Variants in FBN2 observed in about 807,000 individuals in gnomAD.
FBN2 encodes the protein fibrillin 2, also known as fibrillin-2.
A neutral mutation model predicts 355.6 loss-of-function variants in FBN2; 105 were observed. That is an observed-to-expected ratio of 0.30 (90% CI 0.25 to 0.35). FBN2 has a LOEUF of 0.35. FBN2 is among the 10% of genes least tolerant of loss of function. FBN2 has a pLI of 1.00. For missense variants in FBN2, 3,280 were observed against 3,758.7 expected (o/e 0.87, Z 3.33); for synonymous variants, 1,350 against 1,301.2 (o/e 1.04, Z -0.81).
Position 128,321,305 on chromosome 5 carries a change from A to T in FBN2, c.4472-2304T>A, listed in dbSNP as rs1405570873. 2.0e-5 allele frequency among the ~76,000 whole-genome samples: 3 copies of T among 152,162 alleles called. 1 individual carries two copies. Among genetic ancestry groups the T allele is most frequent in the South Asian group, 4.1e-4 (2 of 4,826 alleles). Reference sequence around the variant, plus strand: ...GTTTAGCTCATGAATTGCATTTTTTAAAAATTATACTTAAGTTCTGGGATA... The same window carrying T: ...GTTTAGCTCATGAATTGCATTTTTTTAAAATTATACTTAAGTTCTGGGATA... On this transcript the variant is annotated intron_variant, in intron 34 of 64. Coordinates refer to ENST00000262464, the MANE Select transcript of FBN2 (RefSeq NM_001999.4).
At chr5:128,447,848 G>A (rs1285031681) in intron 6 of FBN2, among the ~76,000 whole-genome samples, 1 of 152,132 alleles carries the variant, frequency 6.6e-6, no homozygotes, top group Non-Finnish European at 1.5e-5. Context: ...TTATTTCTCA[G>A]ACTGGCCAAC....
chr5:128,369,666 T>C (rs1751879598), intron 15 of FBN2, among the ~76,000 whole-genome samples: 1 of 152,228 alleles, frequency 6.6e-6, no homozygotes, highest in African/African-American at 2.4e-5. Context: ...CTCTAATCAC[T>C]GGCTATGCTA....
At chr5:128,407,159 A>G (rs1271975739) in intron 8 of FBN2, among the ~76,000 whole-genome samples, 1 of 152,208 alleles carries the variant, frequency 6.6e-6, no homozygotes, top group Non-Finnish European at 1.5e-5. Flanking sequence ...GGTAAATGGT[A>G]GTTCAGTGTC....
chr5:128,512,671 T>C (rs1756163152), intron 5 of FBN2, among the ~76,000 whole-genome samples: 1 of 152,156 alleles, frequency 6.6e-6, no homozygotes, highest in Admixed American at 6.5e-5. Context: ...TCTTAAAGTA[T>C]CCACTTTATT....
At chr5:128,419,334 C>A (rs1043647575) in intron 7 of FBN2, among the ~76,000 whole-genome samples, 1 of 152,084 alleles carries the variant, frequency 6.6e-6, no homozygotes, top group African/African-American at 2.4e-5. Context: ...TTGGCTAGAA[C>A]CTGTAGTACA....
chr5:128,304,725 G>A (rs1749819220), intron 45 of FBN2, among the ~76,000 whole-genome samples: 1 of 152,106 alleles, frequency 6.6e-6, no homozygotes, highest in Admixed American at 6.5e-5. Flanking sequence ...GTGAATCACT[G>A]AACTGACGAA....
intron 2 of FBN2, among the ~76,000 whole-genome samples, chr5:128,530,907 G>A (rs571072254): frequency 6.6e-6 from 1 of 152,124 alleles, no homozygotes; most frequent in South Asian, 2.1e-4. Context: ...AACAAATGAA[G>A]CTGTTTCAAA....
intron 52 of FBN2, among the ~76,000 whole-genome samples, chr5:128,288,883 G>GT (rs1219092754): frequency 6.6e-6 from 1 of 152,208 alleles, no homozygotes; most frequent in South Asian, 2.1e-4. Context: ...TTTGGCAATT[G>GT]TAAGTCTCTA....
At chr5:128,488,024 G>A (rs1029781356) in intron 5 of FBN2, among the ~76,000 whole-genome samples, 4 of 152,122 alleles carry the variant, frequency 2.6e-5, no homozygotes, top group Non-Finnish European at 5.9e-5. Flanking sequence ...TTATAAAAAT[G>A]ATATTTTATT....
At chr5:128,500,460 T>TTTTTTTTC (rs1561487039) in intron 5 of FBN2, among the ~76,000 whole-genome samples, 1 of 112,100 alleles carries the variant, frequency 8.9e-6, no homozygotes, top group African/African-American at 4.2e-5. Context: ...TTTTTTTTTT[T>TTTTTTTTC]CAGACAGGGT....
chr5:128,265,805 A>G (rs1415728296), intron 62 of FBN2, among the ~76,000 whole-genome samples: 1 of 152,238 alleles, frequency 6.6e-6, no homozygotes, highest in Non-Finnish European at 1.5e-5. Context: ...TTTCAATATT[A>G]ACACTTTCAA....
In FBN2 at chr5:128,451,217, T is replaced by C. The variant is rs563138042; in HGVS notation, c.827-4611A>G. Among the ~76,000 whole-genome samples, 6 of 152,284 alleles carry C rather than the reference T, an allele frequency of 3.9e-5. No homozygotes were observed. The South Asian group carries it at 1.2e-3, about 32-fold the overall frequency. ...TTATTTCTTCCTCCTATTAGCTATA[T>C]CTATTGAACTAATTACAAAAGTCCA... On this transcript the variant is annotated intron_variant, in intron 6 of 64. Coordinates refer to ENST00000262464, the MANE Select transcript of FBN2 (RefSeq NM_001999.4).
At position 128,358,682 on chromosome 5, in the gene FBN2, C is replaced by T. The variant is rs754885372; in HGVS notation, c.2555-1287G>A. On this transcript the variant is annotated intron_variant, in intron 19 of 64. Coordinates refer to ENST00000262464, the MANE Select transcript of FBN2 (RefSeq NM_001999.4). ...CAGATTTCTAATGAAAACATCAATC[C>T]GAGTAGAGAAACTTTTTCATAAAAA... Among the ~76,000 whole-genome samples, 9 of 151,688 alleles carry T rather than the reference C, an allele frequency of 5.9e-5. No individual in the cohort carries two copies. The South Asian group carries it at 6.2e-4, about 11-fold the overall frequency.
intron 10 of FBN2, 101 bp from the exon 11 acceptor site, chr5:128,392,256 ATATCAGAAGCTCATATTTTATATTT>A (rs1394448291): frequency 1.0e-6 from 1 of 953,808 alleles, no homozygotes; most frequent in East Asian, 2.6e-5. Flanking sequence ...AATTAGATGT[ATATCAGAAGCTCATATTTTATATTT>A]TATTAAAACT....
chr5:128,446,446 C>T, intron 7 of FBN2, 35 bp downstream of exon 7: 5 of 1,610,472 alleles, frequency 3.1e-6, no homozygotes, highest in Non-Finnish European at 4.2e-6. Context: ...ATTAAAGTCA[C>T]AATTAGGCAT....
At chr5:128,364,119 A>G (rs1461312913) in intron 18 of FBN2, among the ~76,000 whole-genome samples, 1 of 152,202 alleles carries the variant, frequency 6.6e-6, no homozygotes, top group Admixed American at 6.5e-5. Flanking sequence ...AACATAAATT[A>G]CATACTTCAG....
chr5:128,418,756 T>C (rs1753268379), intron 7 of FBN2, among the ~76,000 whole-genome samples: 2 of 152,306 alleles, frequency 1.3e-5, no homozygotes, highest in South Asian at 4.1e-4. Context: ...TTTAAAAAAT[T>C]TGTTGAGACT....
intron 6 of FBN2, among the ~76,000 whole-genome samples, chr5:128,448,879 T>A (rs1004948232): frequency 6.6e-6 from 1 of 152,138 alleles, no homozygotes; most frequent in Non-Finnish European, 1.5e-5. Context: ...TTTTAGACAT[T>A]GAAATTATCA....
At chr5:128,358,444 TTACTA>T (rs1751558691) in intron 19 of FBN2, among the ~76,000 whole-genome samples, 1 of 152,120 alleles carries the variant, frequency 6.6e-6, no homozygotes, top group African/African-American at 2.4e-5. Flanking sequence ...ATAAAGCACT[TTACTA>T]TACTGAGGAA....
Sources: allele counts gnomAD v4.1 joint callset (sites outside exome capture counted in the v4.1 genomes callset), GRCh38; gene constraint gnomAD v4.1.1; transcripts MANE v1.5; gene names NCBI Gene and HGNC (gene_info 2026-07-23, HGNC 2026-07-21).